The following DKK3 variants were observed in gnomAD, a reference collection of about 807,000 sequenced individuals.
DKK3 encodes the protein dickkopf Wnt signaling pathway inhibitor 3.
In DKK3, 22 loss-of-function variants were observed where a neutral mutation model predicts 33.2. The observed-to-expected ratio is 0.66, with a 90% CI of 0.47 to 0.95. The LOEUF is 0.95. Ranked by LOEUF, DKK3 falls within the 40% of genes least tolerant of loss-of-function variation. The pLI is 0.00. For missense variants in DKK3, 398 were observed against 458.4 expected (o/e 0.87, Z 1.20); for synonymous variants, 194 against 188.8 (o/e 1.03, Z -0.23).
At chr11:11,979,417 C>T (rs118142202) in intron 3 of DKK3, among the ~76,000 whole-genome samples, 2,313 of 152,340 alleles carry the variant, frequency 0.015, 35 homozygotes, top group Non-Finnish European at 0.024. Flanking sequence ...AGAAATGCTT[C>T]CGGTCACAGG....
chr11:11,965,750 T>C (rs973569550), intron 6 of DKK3, 59 bp downstream of exon 6: 2 of 1,581,742 alleles, frequency 1.3e-6, no homozygotes, highest in African/African-American at 2.7e-5. Flanking sequence ...CCTACGCCCC[T>C]GCTGGATGGC....
In DKK3 at chr11:12,008,305, T is replaced by C; in HGVS notation, c.213+65A>G. On this transcript the variant is annotated intron_variant, in intron 1 of 6. Transcript: ENST00000683431. The surrounding 1 kb of genome is among the most constrained non-coding windows in gnomAD (Gnocchi z 4.6). ...TCCCTGGCCAGCGCTCTTCCATGCC[T>C]TCCCAGACTTCGCTGCCCCCAGTCT... The C allele has an allele frequency of 6.5e-7, 1 of 1,529,870 alleles. No individual in the cohort carries two copies. The allele number at this position is 1,529,870 out of a possible 1,614,324, so 94.8% of individuals were successfully genotyped here. A position where few individuals can be genotyped will look rare whatever the true frequency, so the allele number is the denominator to read the frequency against.
chr11:12,003,747 TA>T (rs67334199), intron 1 of DKK3, among the ~76,000 whole-genome samples: 13,425 of 150,402 alleles, frequency 0.089, 729 homozygotes, highest in Middle Eastern at 0.15. Context: ...TTTTTTTTTT[TA>T]AAAAAAGAAT....
intron 3 of DKK3, 26 bp from the exon 4 acceptor site, chr11:11,968,513 G>A (rs1847654322): frequency 6.2e-7 from 1 of 1,606,396 alleles, no homozygotes; most frequent in East Asian, 2.2e-5. Context: ...GGGAGCAGAT[G>A]TGTCAATGGA....
chr11:11,985,215 G>C (rs1021025517), intron 3 of DKK3, among the ~76,000 whole-genome samples: 6 of 152,106 alleles, frequency 3.9e-5, no homozygotes, highest in Non-Finnish European at 7.4e-5. Flanking sequence ...CTTCCGGCTG[G>C]GGCTAGGAGA....
At chr11:11,982,633 C>T (rs572505891) in intron 3 of DKK3, among the ~76,000 whole-genome samples, 29 of 152,264 alleles carry the variant, frequency 1.9e-4, no homozygotes, top group African/African-American at 7.0e-4. Context: ...AGGGTAGCAG[C>T]GCCCGGCCGT....
At chr11:12,007,893 G>A (rs775001109) in intron 1 of DKK3, among the ~76,000 whole-genome samples, 36 of 152,228 alleles carry the variant, frequency 2.4e-4, no homozygotes, top group Non-Finnish European at 4.7e-4. Flanking sequence ...AGCCCAGACA[G>A]ACTGCCAGCA....
At chr11:12,009,499 C>T, upstream of DKK3, 3 of 930,670 alleles carry the variant, frequency 3.2e-6, no homozygotes, top group Non-Finnish European at 3.8e-6. Context: ...TCTGCCTCAG[C>T]GACCAGCTCT....
In DKK3 at chr11:12,002,497, A is replaced by G. The variant is rs1295557876; in HGVS notation, c.214-60T>C. 14 of 1,553,214 alleles carry G rather than the reference A, an allele frequency of 9.0e-6. No individual in the cohort carries two copies. In the East Asian group the frequency reaches 1.4e-4, roughly 15 times the overall value. On this transcript the variant is annotated intron_variant, in intron 1 of 6. Transcript: ENST00000683431. Reference sequence around the variant, plus strand: ...TTTCTCTTGTTACAAATGGGAGTCTATTAGAAAAAAAAAATCTCTTTTCCT... The same window carrying G: ...TTTCTCTTGTTACAAATGGGAGTCTGTTAGAAAAAAAAAATCTCTTTTCCT...
At chr11:11,985,736 A>G (rs888653819) in intron 3 of DKK3, among the ~76,000 whole-genome samples, 3 of 152,208 alleles carry the variant, frequency 2.0e-5, no homozygotes, top group African/African-American at 7.2e-5. Flanking sequence ...TGGGTTTGGT[A>G]AGAGTGAAGG....
At chr11:11,986,987 C>A (rs754238616) in intron 3 of DKK3, among the ~76,000 whole-genome samples, 1 of 152,178 alleles carries the variant, frequency 6.6e-6, no homozygotes, top group Non-Finnish European at 1.5e-5. Context: ...AGAATCTTAC[C>A]TTCAAGGAAT....
At chr11:12,009,470 A>G (rs1260038198), upstream of DKK3, 6 of 888,940 alleles carry the variant, frequency 6.7e-6, no homozygotes, top group African/African-American at 4.1e-5. Flanking sequence ...CTCACGCCCC[A>G]CGCCCCACGC....
rs546155020 is a variant in DKK3, at chr11:12,006,700, C to T, written c.213+1670G>A. On this transcript the variant is annotated intron_variant, in intron 1 of 6. Transcript: ENST00000683431. ...ACCCCGTCACTAGGTCCTGCAGGGCCCCACACTGCTCTGCTCAAGAAGAGA... is the reference window on the plus strand; with the variant it reads ...ACCCCGTCACTAGGTCCTGCAGGGCTCCACACTGCTCTGCTCAAGAAGAGA... 5.3e-5 allele frequency among the ~76,000 whole-genome samples: 8 copies of T among 152,294 alleles called. No individual in the cohort carries two copies. In the South Asian group the frequency reaches 8.3e-4, roughly 16 times the overall value.
At chr11:11,990,732 C>A (rs575001458) in intron 3 of DKK3, among the ~76,000 whole-genome samples, 1 of 152,196 alleles carries the variant, frequency 6.6e-6, no homozygotes, top group South Asian at 2.1e-4. Context: ...AATTGTTTAG[C>A]GTTCCTCCAA....
At chr11:11,982,689 C>A (rs1019715757) in intron 3 of DKK3, among the ~76,000 whole-genome samples, 3 of 152,110 alleles carry the variant, frequency 2.0e-5, no homozygotes, top group Non-Finnish European at 2.9e-5. Flanking sequence ...CCAGGGAGAG[C>A]ACAGCCAGTC....
intron 5 of DKK3, 138 bp from the exon 6 acceptor site, chr11:11,966,103 A>G (rs1847588137): frequency 9.2e-7 from 1 of 1,086,030 alleles, no homozygotes; most frequent in African/African-American, 1.6e-5. Context: ...AAGATACGGA[A>G]TGACAGGAAA....
chr11:11,991,451 G>C (rs529128371), intron 3 of DKK3, among the ~76,000 whole-genome samples: 2 of 152,096 alleles, frequency 1.3e-5, no homozygotes, highest in African/African-American at 2.4e-5. Context: ...TGGACATAGT[G>C]GCTCATGCCT....
chr11:11,981,572 T>C (rs899783970), intron 3 of DKK3, among the ~76,000 whole-genome samples: 3 of 152,116 alleles, frequency 2.0e-5, no homozygotes, highest in Admixed American at 6.5e-5. Flanking sequence ...TTGAAGGTGA[T>C]GATCTCAGAG....
At chr11:11,968,547 G>A (rs1464361660) in intron 3 of DKK3, 60 bp from the exon 4 acceptor site, 14 of 1,525,912 alleles carry the variant, frequency 9.2e-6, no homozygotes, top group Non-Finnish European at 1.3e-5. Context: ...GGCCCACAGT[G>A]CCCAGGAAGG....
Sources: gnomAD v4.1 joint callset for allele counts (sites outside exome capture counted in the v4.1 genomes callset) on GRCh38, gnomAD v4.1.1 for gene constraint, Gnocchi (gnomAD v3.1) non-coding constraint, MANE v1.5 for transcripts, NCBI Gene and HGNC (gene_info 2026-07-23, HGNC 2026-07-21) for gene names.